The following ATP2B2 variants were observed in gnomAD, a reference collection of about 807,000 sequenced individuals.
ATP2B2 encodes plasma membrane calcium-transporting ATPase 2.
A neutral mutation model predicts 120.0 loss-of-function variants in ATP2B2; 15 were observed. The observed-to-expected ratio is 0.12, with a 90% CI of 0.08 to 0.19. The LOEUF (loss-of-function observed/expected upper bound fraction) is 0.19. Among genes scored for constraint, ATP2B2 ranks in the 10% least tolerant of loss-of-function variants. The pLI is 1.00. For missense variants in ATP2B2, 1,045 were observed against 1,719.8 expected, an observed-to-expected ratio of 0.61 and a Z score of 6.94; for synonymous variants, 694 against 700.3, an observed-to-expected ratio of 0.99 and a Z score of 0.14.
chr3:10,443,042 C>T (rs17603886), intron 2 of ATP2B2, among the ~76,000 whole-genome samples: 4,589 of 152,302 alleles, frequency 0.03, 87 homozygotes, highest in Middle Eastern at 0.058. Context: ...TAGTCATAGA[C>T]CCAGTCAGCC....
intron 5 of ATP2B2, among the ~76,000 whole-genome samples, chr3:10,391,530 C>G (rs538507381): frequency 6.6e-6 from 1 of 151,930 alleles, no homozygotes; most frequent in African/African-American, 2.4e-5. Flanking sequence ...CTAATCACTC[C>G]CATCGCAGCA....
intron 1 of ATP2B2, among the ~76,000 whole-genome samples, chr3:10,696,676 T>C (rs1004874415): frequency 1.3e-5 from 2 of 152,200 alleles, no homozygotes; most frequent in East Asian, 3.9e-4. Flanking sequence ...CCTTTAGTCA[T>C]TGCAGCTCCC....
At chr3:10,523,483 G>A (rs545446009) in intron 3 of ATP2B2, among the ~76,000 whole-genome samples, 18 of 152,186 alleles carry the variant, frequency 1.2e-4, no homozygotes, top group Admixed American at 5.9e-4. Flanking sequence ...CATGGAAGGC[G>A]GAATCCTGGT....
chr3:10,367,392 G>A lies in ATP2B2; in HGVS notation c.1659+4417C>T, dbSNP rs1011543941. On this transcript the variant is annotated intron_variant, in intron 12 of 22. Coordinates refer to ENST00000360273, the MANE Select transcript of ATP2B2 (RefSeq NM_001001331.4). ...TCTGCAGCGCGGTTTTCCTAGCTGCGAGATGGGAATGGTCCTATTTGGCCA... is the reference window on the plus strand; with the variant it reads ...TCTGCAGCGCGGTTTTCCTAGCTGCAAGATGGGAATGGTCCTATTTGGCCA... Among the ~76,000 whole-genome samples, 7 of 152,126 alleles carry A rather than the reference G, an allele frequency of 4.6e-5. No homozygotes were observed. The East Asian group carries it at 1.4e-3, about 29-fold the overall frequency.
At chr3:10,519,008 G>A (rs1318736706) in intron 3 of ATP2B2, among the ~76,000 whole-genome samples, 2 of 152,224 alleles carry the variant, frequency 1.3e-5, no homozygotes. Context: ...CACCAACTGT[G>A]CACTAGGCCC....
chr3:10,518,347 G>A lies in ATP2B2; in HGVS notation c.-320+15692C>T, dbSNP rs190060168. ...ATGTGCTTGCCCCCCTCCAAAATGC[G>A]GACTCGCGTCTGCCTTTGGAAACCA... On this transcript the variant is annotated intron_variant, in intron 3 of 21. Coordinates refer to the ATP2B2 transcript ENST00000646379. 1.6e-4 allele frequency among the ~76,000 whole-genome samples: 25 copies of A among 152,252 alleles called. No individual in the cohort carries two copies. The East Asian group carries it at 4.3e-3, about 26-fold the overall frequency.
intron 2 of ATP2B2, among the ~76,000 whole-genome samples, chr3:10,539,339 C>A (rs1466743159): frequency 6.6e-6 from 1 of 152,182 alleles, no homozygotes; most frequent in African/African-American, 2.4e-5. Flanking sequence ...ATCAAGCTAC[C>A]AATGACTTTC....
intron 2 of ATP2B2, among the ~76,000 whole-genome samples, chr3:10,608,435 A>G (rs2069142000): frequency 6.6e-6 from 1 of 152,226 alleles, no homozygotes; most frequent in African/African-American, 2.4e-5. Context: ...TAACAAAAAA[A>G]TTAAAATCTT....
intron 2 of ATP2B2, among the ~76,000 whole-genome samples, chr3:10,413,756 T>C (rs557008929): frequency 1.3e-5 from 2 of 152,340 alleles, no homozygotes; most frequent in African/African-American, 4.8e-5. Context: ...CCTTTATTCC[T>C]TTAATTAAAA....
In ATP2B2 at chr3:10,329,120, G is replaced by A. The variant is rs1294453195; in HGVS notation, c.3426C>T (p.Arg1142=). 8 of 1,613,216 alleles carry A rather than the reference G, an allele frequency of 5.0e-6. No homozygotes were observed. The highest frequency in any genetic ancestry group is 1.1e-5 in the South Asian group (1 of 91,028). ...GAGAGCTACGGAACGCCTTCACGACGCGGATCTGCAAGGGAAGCACAGGGG... is the reference window on the plus strand; with the variant it reads ...GAGAGCTACGGAACGCCTTCACGACACGGATCTGCAAGGGAAGCACAGGGG... ...RGLNRIQTQI[R]VVKAFRSSLY... The change falls in exon 23 of 23, where the codon CGC becomes CGT. Residue 1142 remains arginine, a synonymous_variant. Coordinates refer to ENST00000360273, the MANE Select transcript of ATP2B2 (RefSeq NM_001001331.4). This position sits in a 1 kb window ranked among gnomAD's most constrained non-coding sequence, Gnocchi z 5.9.
Position 10,347,217 on chromosome 3 carries a change from C to T in ATP2B2, c.2405-1080G>A, listed in dbSNP as rs1203056786. Among the ~76,000 whole-genome samples, 2 of 152,206 alleles carry T rather than the reference C, an allele frequency of 1.3e-5. No homozygotes were observed. Among genetic ancestry groups the T allele is most frequent in the South Asian group, 2.1e-4 (1 of 4,832 alleles). ...CCTGGCCACCCCCAATCTGTGCTTA[C>T]GGTCCCACAGAGCTAGCTCTCACTG... On this transcript the variant is annotated intron_variant, in intron 16 of 22. Transcript: ENST00000360273. This position sits in a 1 kb window ranked among gnomAD's most constrained non-coding sequence, Gnocchi z 5.2.
rs779913030 is a variant in ATP2B2, at chr3:10,340,550, G to T, written c.3072C>A (p.Asp1024Glu). 1.1e-5 allele frequency: 18 copies of T among 1,614,138 alleles called. No individual in the cohort carries two copies. Among genetic ancestry groups the T allele is most frequent in the Non-Finnish European group, 1.4e-5 (17 of 1,180,056 alleles). The change falls in exon 20 of 23, where the codon GAC (aspartate) becomes GAA (glutamate). Residue 1024 changes from aspartate (D) to glutamate (E), a missense_variant. Coordinates refer to ENST00000360273, the MANE Select transcript of ATP2B2 (RefSeq NM_001001331.4). This position sits in a 1 kb window ranked among gnomAD's most constrained non-coding sequence, Gnocchi z 5.0. ...RKIHGERNVF[D>E]GIFRNPIFCT... ...AGAAGATGGGGTTCCGGAAGATGCCGTCAAAGACATTGCGCTCGCCGTGGA... is the reference window on the plus strand; with the variant it reads ...AGAAGATGGGGTTCCGGAAGATGCCTTCAAAGACATTGCGCTCGCCGTGGA...
At chr3:10,463,214 G>A (rs2064573849) in intron 1 of ATP2B2, among the ~76,000 whole-genome samples, 2 of 152,088 alleles carry the variant, frequency 1.3e-5, no homozygotes, top group Non-Finnish European at 2.9e-5. Context: ...CTGCCTTGGG[G>A]TGGGTTTTGC....
intron 1 of ATP2B2, among the ~76,000 whole-genome samples, chr3:10,683,760 GTATATATATATATATATATATATATATA>G (rs71055831): frequency 0.015 from 823 of 53,932 alleles, 39 homozygotes; most frequent in Admixed American, 0.045. Flanking sequence ...GTGTGTGTGT[GTATATATATATATATATATATATATATA>G]TATATATATA....
At chr3:10,444,410 G>T (rs974313892) in intron 2 of ATP2B2, among the ~76,000 whole-genome samples, 1 of 152,308 alleles carries the variant, frequency 6.6e-6, no homozygotes, top group African/African-American at 2.4e-5. Context: ...CCCCATGGAC[G>T]TTCTCGTTCA....
intron 12 of ATP2B2, 100 bp from the exon 13 acceptor site, chr3:10,360,223 C>T: frequency 1.1e-5 from 17 of 1,482,190 alleles, no homozygotes; most frequent in Non-Finnish European, 1.3e-5. Flanking sequence ...CTTAGGTGGT[C>T]TCTGGGCTGG....
chr3:10,366,805 T>G (rs941004856), intron 12 of ATP2B2, among the ~76,000 whole-genome samples: 2 of 152,226 alleles, frequency 1.3e-5, no homozygotes, highest in Admixed American at 1.3e-4. Context: ...AGTCTTGACG[T>G]ACAAAGCACC....
chr3:10,448,387 G>A (rs2063912825), intron 2 of ATP2B2, among the ~76,000 whole-genome samples: 1 of 152,204 alleles, frequency 6.6e-6, no homozygotes, highest in Non-Finnish European at 1.5e-5. Flanking sequence ...TGTCACTGCA[G>A]AGCCTCACAC....
At chr3:10,702,266 T>C (rs899064451) in intron 1 of ATP2B2, among the ~76,000 whole-genome samples, 1 of 152,218 alleles carries the variant, frequency 6.6e-6, no homozygotes, top group Non-Finnish European at 1.5e-5. Flanking sequence ...GTAAAAATTA[T>C]ATGTGAAAAG....
Sources: allele counts gnomAD v4.1 joint callset (sites outside exome capture counted in the v4.1 genomes callset), GRCh38; gene constraint gnomAD v4.1.1; non-coding constraint Gnocchi (gnomAD v3.1); transcripts MANE v1.5; gene names NCBI Gene and HGNC (gene_info 2026-07-23, HGNC 2026-07-21).